MMRN1: variants seen among roughly 807,000 people sequenced by gnomAD.
MMRN1 encodes multimerin-1.
Under a neutral mutation model 100.7 loss-of-function variants are expected in MMRN1, and 94 were observed. The ratio of observed to expected loss-of-function variants is 0.93; its 90% CI spans 0.79 to 1.11. The LOEUF is 1.11. MMRN1 is among the 50% of genes least tolerant of loss of function. The pLI, the probability that MMRN1 is intolerant of heterozygous loss-of-function variation, is 0.00. For missense variants in MMRN1, 1,606 were observed against 1,439.1 expected (o/e 1.12, Z -1.88); for synonymous variants, 575 against 505.0 (o/e 1.14, Z -1.86).
At chr4:89,946,606 A>C (rs1489045678) in intron 6 of MMRN1, among the ~76,000 whole-genome samples, 1 of 152,132 alleles carries the variant, frequency 6.6e-6, no homozygotes, top group Non-Finnish European at 1.5e-5. Context: ...AGAGCGGTAA[A>C]CTCAACACAG....
chr4:89,895,707 T>C (rs1288001736), intron 1 of MMRN1, 113 bp downstream of exon 1: 2 of 1,420,044 alleles, frequency 1.4e-6, no homozygotes, highest in African/African-American at 2.9e-5. Context: ...TGAAATTGGA[T>C]CATATTTATA....
At chr4:89,881,924 C>T (rs1238281952) in intron 1 of MMRN1, among the ~76,000 whole-genome samples, 1 of 151,826 alleles carries the variant, frequency 6.6e-6, no homozygotes, top group East Asian at 1.9e-4. Flanking sequence ...TTTGTATTTT[C>T]ACTTTGATCA....
rs185378084 is a variant in MMRN1, at chr4:89,898,011, G to A, written c.623+2417G>A. 1.9e-4 allele frequency among the ~76,000 whole-genome samples: 29 copies of A among 152,188 alleles called. No homozygotes were observed. In the East Asian group the frequency reaches 4.5e-3, roughly 23 times the overall value. ...GCATGTAGGGATTCTCTTATTTGAG[G>A]TCCTGGAGAGCCTGAGGTTTTCTTT... On this transcript the variant is annotated intron_variant, in intron 1 of 7. Transcript: ENST00000264790.
chr4:89,888,066 C>A lies in MMRN1; in HGVS notation c.-248-6658C>A, dbSNP rs186171572. On this transcript the variant is annotated intron_variant, in intron 1 of 8. Transcript: ENST00000394980. The stretch of plus-strand genomic sequence containing the variant: ...TTTGACTCTATAATAAAGATAATAT[C>A]AATTATCTACATTTTTTAATTGATA... Among the ~76,000 whole-genome samples, 249 of 151,562 alleles carry A rather than the reference C, an allele frequency of 1.6e-3. 2 individuals carry two copies. In the Middle Eastern group the frequency reaches 0.02, roughly 12 times the overall value.
intron 1 of MMRN1, among the ~76,000 whole-genome samples, chr4:89,899,110 T>C (rs1721301984): frequency 6.6e-6 from 1 of 152,168 alleles, no homozygotes; most frequent in Admixed American, 6.6e-5. Context: ...AATTTTATAA[T>C]AATTCTTAGT....
intron 6 of MMRN1, among the ~76,000 whole-genome samples, chr4:89,947,505 A>C (rs1723024291): frequency 6.6e-6 from 1 of 152,150 alleles, no homozygotes; most frequent in Non-Finnish European, 1.5e-5. Flanking sequence ...GTTGATATGA[A>C]GTTTAAGTCA....
chr4:89,888,204 C>G (rs1408935414), intron 1 of MMRN1, among the ~76,000 whole-genome samples: 6 of 151,942 alleles, frequency 3.9e-5, no homozygotes, highest in Non-Finnish European at 7.4e-5. Flanking sequence ...ATGGGTTTCT[C>G]TAGTATATCT....
chr4:89,889,819 ATCT>A lies in MMRN1; in HGVS notation c.-248-4898_-248-4896del, dbSNP rs200996564. 6.8e-3 allele frequency among the ~76,000 whole-genome samples: 1,035 copies of A among 152,168 alleles called. 21 individuals are homozygous for A. The highest frequency in any genetic ancestry group is 0.033 in the East Asian group (170 of 5,156). ...TTAAAACACTACTTTACAATGAAAA[ATCT>A]TCTTCTACTTGCAACGAAAAATCAT... On this transcript the variant is annotated intron_variant, in intron 1 of 8. Transcript: ENST00000394980.
At chr4:89,900,968 G>C (rs1721366209) in intron 1 of MMRN1, among the ~76,000 whole-genome samples, 1 of 151,924 alleles carries the variant, frequency 6.6e-6, no homozygotes, top group Non-Finnish European at 1.5e-5. Flanking sequence ...AGCAAAGGAA[G>C]AAAATATTTT....
At chr4:89,949,782 T>C (rs969121923) in intron 6 of MMRN1, among the ~76,000 whole-genome samples, 2 of 152,246 alleles carry the variant, frequency 1.3e-5, no homozygotes, top group African/African-American at 4.8e-5. Context: ...AAAATTTTAA[T>C]AATACAGGCA....
In MMRN1 at chr4:89,935,077, T is replaced by C. The variant is rs764931938; in HGVS notation, c.1397T>C (p.Val466Ala). ...IVELRNHIVN[V>A]RQEMTLTCEK... Reference sequence around the variant, plus strand: ...GAACTAAGGAATCACATTGTGAATGTAAGGCAAGAAATGACTCTTACATGT... The same window carrying C: ...GAACTAAGGAATCACATTGTGAATGCAAGGCAAGAAATGACTCTTACATGT... Residue 466 changes from valine to alanine, a missense_variant, in exon 6 of 8, where the codon GTA becomes GCA. Coordinates refer to ENST00000264790, the MANE Select transcript of MMRN1 (RefSeq NM_007351.3). 3 of 1,613,732 alleles carry C rather than the reference T, an allele frequency of 1.9e-6. No individual in the cohort carries two copies. The highest frequency in any genetic ancestry group is 1.7e-4 in the Middle Eastern group (1 of 6,056).
chr4:89,912,753 A>G (rs1721795621), intron 3 of MMRN1, among the ~76,000 whole-genome samples: 1 of 151,310 alleles, frequency 6.6e-6, no homozygotes. Flanking sequence ...TGGGGAATTC[A>G]ATCAACAGTA....
intron 3 of MMRN1, among the ~76,000 whole-genome samples, 153 bp downstream of exon 3, chr4:89,912,203 C>G (rs1202069140): frequency 6.6e-6 from 1 of 151,256 alleles, no homozygotes; most frequent in Non-Finnish European, 1.5e-5. Flanking sequence ...AACTTGGTAG[C>G]TTTTATAACA....
chr4:89,936,225 C>T lies in MMRN1; in HGVS notation c.2545C>T (p.Leu849Phe), dbSNP rs1722629739. The T allele has an allele frequency of 1.2e-6, 2 of 1,605,230 alleles. No individual in the cohort carries two copies. The highest frequency in any genetic ancestry group is 2.3e-5 in the South Asian group (2 of 88,618). Residue 849 changes from leucine (L) to phenylalanine (F), a missense_variant, in exon 6 of 8, where the codon CTC becomes TTC. Leu to Phe is a conservative substitution (Grantham distance 22). Coordinates refer to ENST00000264790, the MANE Select transcript of MMRN1 (RefSeq NM_007351.3). ...QNMSHLEEKL[L>F]LTTKISKNFE... is the part of the protein sequence containing the mutation. ...TATGAGTCATTTGGAAGAAAAACTACTCTTAACTACCAAGATTTCCAAAAA... is the reference window on the plus strand; with the variant it reads ...TATGAGTCATTTGGAAGAAAAACTATTCTTAACTACCAAGATTTCCAAAAA...
intron 6 of MMRN1, among the ~76,000 whole-genome samples, chr4:89,947,145 G>A (rs1723013163): frequency 1.3e-5 from 2 of 152,274 alleles, no homozygotes; most frequent in South Asian, 4.1e-4. Context: ...AGCCTGGCAT[G>A]GTGGTGCACA....
intron 1 of MMRN1, among the ~76,000 whole-genome samples, chr4:89,904,259 T>G (rs1022836989): frequency 6.6e-6 from 1 of 151,846 alleles, no homozygotes; most frequent in East Asian, 1.9e-4. Context: ...ATGTATGTAT[T>G]TATTTATTTT....
chr4:89,907,615 T>G (rs1480344140), intron 1 of MMRN1, among the ~76,000 whole-genome samples: 1 of 151,384 alleles, frequency 6.6e-6, no homozygotes, highest in Non-Finnish European at 1.5e-5. Flanking sequence ...CTCATTTATG[T>G]TTTTGAATTT....
chr4:89,919,211 T>C (rs1243132013), intron 3 of MMRN1, among the ~76,000 whole-genome samples: 2 of 151,486 alleles, frequency 1.3e-5, no homozygotes, highest in Non-Finnish European at 3.0e-5. Flanking sequence ...ATTCTGATTT[T>C]TTCTAAATAT....
Position 89,934,983 on chromosome 4 carries a change from G to A in MMRN1, c.1303G>A (p.Val435Ile), listed in dbSNP as rs111636739. 2.5e-5 allele frequency: 40 copies of A among 1,613,138 alleles called. No individual in the cohort carries two copies. The highest frequency in any genetic ancestry group is 1.3e-4 in the Admixed American group (8 of 59,872). ...AATTCAAAAAGTTAATGAATCTGTG[G>A]TTTCAATAGCAGCCCAGCAAAAGTT... The part of the protein sequence containing the change: ...QIIQKVNESV[V>I]SIAAQQKFVL... The change falls in exon 6 of 8, where the codon GTT becomes ATT. Residue 435 changes from valine to isoleucine, a missense_variant. By Grantham distance (29) the Val-to-Ile change is conservative. Coordinates refer to ENST00000264790, the MANE Select transcript of MMRN1 (RefSeq NM_007351.3).
Sources: gnomAD v4.1 joint callset for allele counts (sites outside exome capture counted in the v4.1 genomes callset) on GRCh38, gnomAD v4.1.1 for gene constraint, MANE v1.5 for transcripts, NCBI Gene and HGNC (gene_info 2026-07-23, HGNC 2026-07-21) for gene names.